Variants in APBA2 observed in about 807,000 individuals in gnomAD.
APBA2 encodes the protein amyloid beta precursor protein binding family A member 2.
APBA2 carries 30 observed loss-of-function variants against 75.0 expected under a neutral mutation model. That is an observed-to-expected ratio of 0.40 (90% confidence interval 0.30 to 0.54). APBA2 has a LOEUF of 0.54. Among genes scored for constraint, APBA2 ranks in the 20% least tolerant of loss-of-function variants. APBA2 has a pLI of 0.49. For missense variants in APBA2, 801 were observed against 1,016.1 expected (o/e 0.79, Z 2.88); for synonymous variants, 444 against 409.6 (o/e 1.08, Z -1.01).
At chr15:28,942,036 G>T (rs2035262259) in intron 2 of APBA2, among the ~76,000 whole-genome samples, 1 of 152,260 alleles carries the variant, frequency 6.6e-6, no homozygotes, top group Non-Finnish European at 1.5e-5. Context: ...TGGGATTACA[G>T]GCGTGAGCCA....
intron 4 of APBA2, among the ~76,000 whole-genome samples, chr15:29,061,560 A>C (rs1185589504): frequency 6.6e-6 from 1 of 152,248 alleles, no homozygotes; most frequent in Non-Finnish European, 1.5e-5. Context: ...TAGCCAACTT[A>C]ATACAAGTTA....
intron 3 of APBA2, among the ~76,000 whole-genome samples, chr15:29,050,679 A>G (rs568063495): frequency 6.6e-6 from 1 of 152,274 alleles, no homozygotes; most frequent in African/African-American, 2.4e-5. Flanking sequence ...TGTGTATTTT[A>G]GTCCTTATGT....
intron 2 of APBA2, among the ~76,000 whole-genome samples, chr15:28,949,090 GA>G (rs1486090710): frequency 1.3e-5 from 2 of 151,902 alleles, no homozygotes; most frequent in African/African-American, 2.4e-5. Flanking sequence ...GAAGGGAGGA[GA>G]GCAAGGCTGG....
rs1246938333 is a variant in APBA2 at position 29,076,270 on chromosome 15, G to A, written c.1069+179G>A. Reference sequence around the variant, plus strand: ...GTAGCCCCACTTAGTGGGGAGGGGAGGTCCAGCTGATCTGCCCGCTTTGAT... The same window carrying A: ...GTAGCCCCACTTAGTGGGGAGGGGAAGTCCAGCTGATCTGCCCGCTTTGAT... On this transcript the variant is annotated intron_variant, in intron 6 of 14. Coordinates refer to ENST00000683413, the MANE Select transcript of APBA2 (RefSeq NM_001353788.2). Among the ~76,000 whole-genome samples, 10 of 152,242 alleles carry A rather than the reference G, an allele frequency of 6.6e-5. No individual in the cohort carries two copies. The East Asian group carries it at 1.9e-3, about 30-fold the overall frequency.
intron 6 of APBA2, among the ~76,000 whole-genome samples, chr15:29,090,971 C>G (rs1382170179): frequency 3.3e-5 from 5 of 152,152 alleles, no homozygotes; most frequent in African/African-American, 1.2e-4. Context: ...GCACACTTCA[C>G]TCTGAAGAAG....
chr15:28,898,250 G>T (rs1454093525), intron 1 of APBA2, among the ~76,000 whole-genome samples: 1 of 152,224 alleles, frequency 6.6e-6, no homozygotes, highest in Non-Finnish European at 1.5e-5. Context: ...CACAGCAACC[G>T]TTGGAAATGG....
In APBA2 at chr15:29,004,435, G is replaced by C. The variant is rs147103660; in HGVS notation, c.-41+8629G>C. On this transcript the variant is annotated intron_variant, in intron 3 of 14. Coordinates refer to ENST00000683413, the MANE Select transcript of APBA2 (RefSeq NM_001353788.2). The stretch of plus-strand genomic sequence containing the variant: ...CCTAGTGGCACTCTCAGTCCTGAAA[G>C]CTAGAGGCCATTTCCACATTGGTGT... Among the ~76,000 whole-genome samples the C allele has an allele frequency of 3.0e-3, 456 of 152,330 alleles. 1 individual carries two copies. Among genetic ancestry groups the C allele is most frequent in the African/African-American group, 0.01 (435 of 41,570 alleles).
chr15:29,009,997 TTG>T (rs1163377376), intron 3 of APBA2, among the ~76,000 whole-genome samples: 4 of 152,192 alleles, frequency 2.6e-5, no homozygotes, highest in Admixed American at 1.3e-4. Flanking sequence ...TCTGACGTGA[TTG>T]TACCCAATTA....
rs1348411237 is a variant in APBA2, at chr15:29,117,672, T to TTGATTGA, written c.*541_*547dup. ...GTAATGAAAGTTTGGGGACATGTGA[T>TTGATTGA]TGATTGATTGATTGTAAATAAAGGA... On this transcript the variant is annotated 3_prime_UTR_variant, in exon 15 of 15. Coordinates refer to ENST00000683413, the MANE Select transcript of APBA2 (RefSeq NM_001353788.2). 2.5e-5 allele frequency: 4 copies of TTGATTGA among 159,698 alleles called. No individual in the cohort carries two copies. In the East Asian group the frequency reaches 5.5e-4, roughly 22 times the overall value. The allele number at this position is 159,698 out of a possible 1,614,324, so 9.9% of individuals were successfully genotyped here.
chr15:28,911,334 G>C (rs1566791592), intron 1 of APBA2, among the ~76,000 whole-genome samples: 1 of 152,128 alleles, frequency 6.6e-6, no homozygotes, highest in Non-Finnish European at 1.5e-5. Context: ...AGAAAACTCG[G>C]CTACCAACCC....
At chr15:29,114,129 C>A in intron 14 of APBA2, 113 bp downstream of exon 14, 1 of 1,470,776 alleles carries the variant, frequency 6.8e-7, no homozygotes, top group Non-Finnish European at 9.4e-7. Context: ...GTCAGCCAGG[C>A]TGTGTCTCCC....
At chr15:29,008,531 G>A (rs757586949) in intron 3 of APBA2, among the ~76,000 whole-genome samples, 1 of 152,004 alleles carries the variant, frequency 6.6e-6, no homozygotes, top group Admixed American at 6.6e-5. Flanking sequence ...AGACCAGCCT[G>A]GGCAACACTG....
chr15:28,992,444 G>A (rs1488736146), intron 2 of APBA2, among the ~76,000 whole-genome samples: 3 of 152,244 alleles, frequency 2.0e-5, no homozygotes, highest in Non-Finnish European at 4.4e-5. Context: ...CCAGAAATTT[G>A]CACGTAGAAT....
At chr15:29,036,259 T>A (rs1013870090) in intron 3 of APBA2, among the ~76,000 whole-genome samples, 4 of 147,718 alleles carry the variant, frequency 2.7e-5, no homozygotes, top group Non-Finnish European at 3.0e-5. Flanking sequence ...CTATTTTTTT[T>A]AACATATCTA....
Position 29,101,657 on chromosome 15 carries a change from T to C in APBA2, c.1397T>C (p.Ile466Thr), listed in dbSNP as rs745630621. The stretch of plus-strand genomic sequence containing the variant: ...TCCTACATCGCCGACATTGGGAACA[T>C]TGTAGTGCTGATGGCCAGACGCCGC... ...TISYIADIGN[I>T]VVLMARRRMP... The change falls in exon 10 of 15, where the codon ATT becomes ACT. Residue 466 changes from isoleucine to threonine, a missense_variant. Ile to Thr is a moderately conservative substitution (Grantham distance 89, BLOSUM62 -1). Around this residue, in one of 2 missense-constraint regions of APBA2, gnomAD observed 367 missense variants for 544.5 expected, o/e 0.67. Transcript: ENST00000683413. The C allele has an allele frequency of 5.6e-6, 9 of 1,613,606 alleles. No homozygotes were observed. In the East Asian group the frequency reaches 1.8e-4, roughly 32 times the overall value.
At chr15:29,115,364 G>A (rs1026863164) in intron 14 of APBA2, among the ~76,000 whole-genome samples, 3 of 152,128 alleles carry the variant, frequency 2.0e-5, no homozygotes, top group Non-Finnish European at 4.4e-5. Flanking sequence ...GAGCTGGGAG[G>A]CCTGTTTTCC....
Position 29,117,170 on chromosome 15 carries a change from C to T in APBA2, c.*37C>T, listed in dbSNP as rs777073769. 8 of 1,603,406 alleles carry T rather than the reference C, an allele frequency of 5.0e-6. No individual in the cohort carries two copies. The East Asian group carries it at 1.1e-4, about 22-fold the overall frequency. On this transcript the variant is annotated 3_prime_UTR_variant, in exon 15 of 15. Coordinates refer to ENST00000683413, the MANE Select transcript of APBA2 (RefSeq NM_001353788.2). ...CTGGCCACGCAGCCAGGACACCGGG[C>T]AGGGCCGCCCGGGCCCAGAGGAGCT...
At chr15:28,930,597 C>T (rs531917149) in intron 2 of APBA2, among the ~76,000 whole-genome samples, 1 of 152,134 alleles carries the variant, frequency 6.6e-6, no homozygotes, top group South Asian at 2.1e-4. Flanking sequence ...TCTTTCTTTG[C>T]CTCTGTTTTT....
intron 10 of APBA2, chr15:29,102,100 C>G (rs2044155241): frequency 2.0e-6 from 1 of 495,470 alleles, no homozygotes; most frequent in Non-Finnish European, 3.7e-6. Context: ...CTTTGCATAA[C>G]TTTTGTTATT....
Sources: gnomAD v4.1 joint callset for allele counts (sites outside exome capture counted in the v4.1 genomes callset) on GRCh38, gnomAD v4.1.1 for gene constraint, gnomAD v4.1.1 regional missense constraint, MANE v1.5 for transcripts, NCBI Gene and HGNC (gene_info 2026-07-23, HGNC 2026-07-21) for gene names.